SRGAP1: variants seen among roughly 807,000 people sequenced by gnomAD.
SRGAP1 encodes the protein SLIT-ROBO Rho GTPase activating protein 1.
Under a neutral mutation model 121.9 loss-of-function variants are expected in SRGAP1, and 43 were observed. That is an observed-to-expected ratio of 0.35 (90% CI 0.28 to 0.46). The LOEUF is 0.46. SRGAP1 is among the 20% of genes least tolerant of loss of function. The pLI is 1.00. For missense variants in SRGAP1, 1,102 were observed against 1,350.9 expected (o/e 0.82, Z 2.89); for synonymous variants, 447 against 485.4 (o/e 0.92, Z 1.04).
In SRGAP1 at chr12:64,143,849, G is replaced by T. The variant is rs1441259870; in HGVS notation, c.*1177G>T. 1 of 152,110 alleles carries T rather than the reference G, an allele frequency of 6.6e-6. No homozygotes were observed. Among genetic ancestry groups the T allele is most frequent in the African/African-American group, 2.4e-5 (1 of 41,406 alleles). The allele number at this position is 152,110 out of a possible 1,614,324, so 9.4% of individuals were successfully genotyped here. On this transcript the variant is annotated 3_prime_UTR_variant, in exon 22 of 22. Coordinates refer to ENST00000355086, the MANE Select transcript of SRGAP1 (RefSeq NM_020762.4). ...GAAATCCCAACTGTCCTCTCCATTT[G>T]TCTTTGAGCCAACCCTGAACTGGCC... is the stretch of plus-strand genomic sequence containing the variant.
Position 64,157,037 on chromosome 12 carries a change from T to C in SRGAP1, c.*14365T>C, listed in dbSNP as rs2037169479. On this transcript the variant is annotated 3_prime_UTR_variant, in exon 22 of 22. Transcript: ENST00000355086. ...CTTCTAAAAAAAAAAGGGGGCATTCTTGGCAGGAGAAAGGGTGTTACATGG... is the reference window on the plus strand; with the variant it reads ...CTTCTAAAAAAAAAAGGGGGCATTCCTGGCAGGAGAAAGGGTGTTACATGG... 6.6e-6 allele frequency: 1 copy of C among 152,098 alleles called. No individual in the cohort carries two copies. The highest frequency in any genetic ancestry group is 2.4e-5 in the African/African-American group (1 of 41,384). The allele number at this position is 152,098 out of a possible 1,614,324, so 9.4% of individuals were successfully genotyped here.
At chr12:63,986,176 TTCTC>T (rs2033408690) in intron 2 of SRGAP1, among the ~76,000 whole-genome samples, 1 of 151,532 alleles carries the variant, frequency 6.6e-6, no homozygotes, top group Non-Finnish European at 1.5e-5. Context: ...TCCTCTCCCT[TTCTC>T]TCTTCTCTCT....
At chr12:64,057,452 A>G (rs1348538560) in intron 6 of SRGAP1, among the ~76,000 whole-genome samples, 1 of 152,142 alleles carries the variant, frequency 6.6e-6, no homozygotes, top group Non-Finnish European at 1.5e-5. Flanking sequence ...GAAATTCTGT[A>G]TAGTTAGGAA....
intron 1 of SRGAP1, among the ~76,000 whole-genome samples, chr12:63,971,021 A>C (rs1014931787): frequency 6.6e-6 from 1 of 152,186 alleles, no homozygotes; most frequent in Non-Finnish European, 1.5e-5. Context: ...CCACCCTGCG[A>C]TACAAAGCAA....
At chr12:63,977,696 T>C (rs2033129990) in intron 1 of SRGAP1, among the ~76,000 whole-genome samples, 1 of 152,150 alleles carries the variant, frequency 6.6e-6, no homozygotes, top group Non-Finnish European at 1.5e-5. Flanking sequence ...ACAAATTAAT[T>C]GCAGCAGTTT....
chr12:63,887,250 A>C (rs375376244), intron 1 of SRGAP1: 20 of 152,388 alleles, frequency 1.3e-4, no homozygotes, highest in African/African-American at 4.3e-4. Flanking sequence ...CGTTTTCTAC[A>C]TGGGGTTGTC....
At chr12:64,068,274 A>G (rs201872717) in intron 8 of SRGAP1, among the ~76,000 whole-genome samples, 17,885 of 146,744 alleles carry the variant, frequency 0.12, 1,389 homozygotes, top group South Asian at 0.32. Flanking sequence ...CTCTGTCTCA[A>G]AAAAAAAAAA....
intron 1 of SRGAP1, among the ~76,000 whole-genome samples, chr12:63,980,625 G>A (rs112821041): frequency 2.7e-5 from 4 of 147,504 alleles, no homozygotes; most frequent in African/African-American, 7.5e-5. Flanking sequence ...ATGGAGTCTC[G>A]CTGTGTTGCC....
At chr12:63,895,641 C>T (rs1900729815) in intron 1 of SRGAP1, among the ~76,000 whole-genome samples, 1 of 152,206 alleles carries the variant, frequency 6.6e-6, no homozygotes, top group Admixed American at 6.5e-5. Context: ...TGTAAGGTCT[C>T]AGGCAGAGCC....
chr12:63,991,662 A>G (rs562132416), intron 3 of SRGAP1, among the ~76,000 whole-genome samples: 3 of 152,306 alleles, frequency 2.0e-5, no homozygotes, highest in Admixed American at 1.3e-4. Context: ...AGCATCTCCT[A>G]TGGGCAGGAG....
chr12:64,096,150 C>G (rs1412090546), intron 14 of SRGAP1, among the ~76,000 whole-genome samples: 2 of 152,194 alleles, frequency 1.3e-5, no homozygotes, highest in Non-Finnish European at 2.9e-5. Flanking sequence ...CTAGCCACCA[C>G]AGGCAAAATA....
chr12:64,111,228 G>A (rs917499717), intron 16 of SRGAP1, among the ~76,000 whole-genome samples: 1 of 152,146 alleles, frequency 6.6e-6, no homozygotes, highest in Non-Finnish European at 1.5e-5. Context: ...TTGTCACCTA[G>A]TGTTGAATGT....
chr12:64,006,367 A>G (rs929159647), intron 3 of SRGAP1, among the ~76,000 whole-genome samples: 36 of 152,296 alleles, frequency 2.4e-4, no homozygotes, highest in African/African-American at 8.7e-4. Context: ...GCCTAGAGCA[A>G]ATGCTCACAT....
At position 64,158,964 on chromosome 12, in the gene SRGAP1, C is replaced by T. The variant is rs945438230; in HGVS notation, c.*16292C>T. On this transcript the variant is annotated 3_prime_UTR_variant, in exon 22 of 22. Transcript: ENST00000355086. ...CCACCATTCACATCATTCAGTGGAT[C>T]TATGTACTAAATCTAGCCAGTGGGT... 1 of 152,154 alleles carries T rather than the reference C, an allele frequency of 6.6e-6. No individual in the cohort carries two copies. Among genetic ancestry groups the T allele is most frequent in the Non-Finnish European group, 1.5e-5 (1 of 68,040 alleles). 9.4% of individuals were successfully genotyped at this position (152,154 alleles called of 1,614,324 possible).
chr12:63,922,838 A>G (rs928634655), intron 1 of SRGAP1, among the ~76,000 whole-genome samples: 1 of 152,224 alleles, frequency 6.6e-6, no homozygotes, highest in Non-Finnish European at 1.5e-5. Context: ...GACTCAGTCA[A>G]TGCTTAATGA....
chr12:64,036,440 A>C (rs544390004), intron 4 of SRGAP1, among the ~76,000 whole-genome samples: 2 of 152,304 alleles, frequency 1.3e-5, no homozygotes, highest in East Asian at 3.9e-4. Flanking sequence ...GATTGTAGAA[A>C]ATAGATCTTT....
In SRGAP1 at chr12:64,063,096, T is replaced by C. The variant is rs2035479625; in HGVS notation, c.981T>C (p.Cys327=). The change falls in exon 7 of 22, where the codon TGT becomes TGC. Residue 327 remains cysteine (C), a synonymous_variant. Transcript: ENST00000355086. ...TGGAGATGTACCCTGCTGCGTTCTGTCCACCAATGAAGTTTGAGTTTCAGT... is the reference window on the plus strand; with the variant it reads ...TGGAGATGTACCCTGCTGCGTTCTGCCCACCAATGAAGTTTGAGTTTCAGT... The part of the protein sequence containing the change: ...RFMEMYPAAF[C]PPMKFEFQSH... The C allele has an allele frequency of 1.2e-6, 2 of 1,613,898 alleles. No homozygotes were observed. The highest frequency in any genetic ancestry group is 2.7e-5 in the African/African-American group (2 of 74,916).
intron 1 of SRGAP1, among the ~76,000 whole-genome samples, chr12:63,898,381 A>G (rs542268455): frequency 6.6e-6 from 1 of 152,384 alleles, no homozygotes; most frequent in Non-Finnish European, 1.5e-5. Context: ...CATTCTGAAC[A>G]GTCATATTGT....
At position 64,126,044 on chromosome 12, in the gene SRGAP1, C is replaced by A. The variant is rs769930018; in HGVS notation, c.2292C>A (p.Phe764Leu). 2 of 1,614,042 alleles carry A rather than the reference C, an allele frequency of 1.2e-6. No homozygotes were observed. Among genetic ancestry groups the A allele is most frequent in the Non-Finnish European group, 1.7e-6 (2 of 1,180,020 alleles). The change falls in exon 19 of 22, where the codon TTC becomes TTA. Residue 764 changes from phenylalanine to leucine, a missense_variant. Coordinates refer to ENST00000355086, the MANE Select transcript of SRGAP1 (RefSeq NM_020762.4). ...YVGRSARELS[F>L]KKGASLLLYH... ...GGCGGTCTGCCAGAGAACTATCCTTCAAGAAGGGTGCCTCCCTGCTGCTGT... is the reference window on the plus strand; with the variant it reads ...GGCGGTCTGCCAGAGAACTATCCTTAAAGAAGGGTGCCTCCCTGCTGCTGT...
Sources: gnomAD v4.1 joint callset for allele counts (sites outside exome capture counted in the v4.1 genomes callset) on GRCh38, gnomAD v4.1.1 for gene constraint, MANE v1.5 for transcripts, NCBI Gene and HGNC (gene_info 2026-07-23, HGNC 2026-07-21) for gene names.